The following STK32A variants were observed in gnomAD, a reference collection of about 807,000 sequenced individuals.
STK32A encodes the protein serine/threonine-protein kinase 32A.
A neutral mutation model predicts 53.2 loss-of-function variants in STK32A; 41 were observed. The ratio of observed to expected loss-of-function variants is 0.77; its 90% CI spans 0.60 to 1.00. The LOEUF (loss-of-function observed/expected upper bound fraction) is 1.00, where lower values mean the gene tolerates loss of function less well. Ranked by LOEUF, STK32A falls within the 50% of genes least tolerant of loss-of-function variation. The probability of loss-of-function intolerance (pLI) is 0.00; values close to 1 mark genes in which losing one functional copy is unlikely to be tolerated. For missense variants in STK32A, 458 were observed against 485.8 expected, an observed-to-expected ratio of 0.94 and a Z score of 0.54; for synonymous variants, 166 against 162.8, an observed-to-expected ratio of 1.02 and a Z score of -0.15.
At chr5:147,244,312 A>T (rs1295625894) in intron 2 of STK32A, among the ~76,000 whole-genome samples, 1 of 152,154 alleles carries the variant, frequency 6.6e-6, no homozygotes, top group African/African-American at 2.4e-5. Context: ...TCACCTTTTG[A>T]TTTTTGTGAA....
In STK32A at chr5:147,317,517, G is replaced by A. The variant is rs184857697; in HGVS notation, c.261-6381G>A. Among the ~76,000 whole-genome samples, 9 of 151,524 alleles carry A rather than the reference G, an allele frequency of 5.9e-5. No individual in the cohort carries two copies. The East Asian group carries it at 1.6e-3, about 26-fold the overall frequency. ...TAATTTTTGTATTTTTAGTAGAGACGGGTTTCACCATGTTGGTAAGCCTGG... is the reference window on the plus strand; with the variant it reads ...TAATTTTTGTATTTTTAGTAGAGACAGGTTTCACCATGTTGGTAAGCCTGG... On this transcript the variant is annotated intron_variant, in intron 4 of 12. Coordinates refer to ENST00000397936, the MANE Select transcript of STK32A (RefSeq NM_001112724.2).
chr5:147,315,103 G>C (rs527605681), intron 4 of STK32A, among the ~76,000 whole-genome samples: 3 of 152,228 alleles, frequency 2.0e-5, no homozygotes, highest in African/African-American at 7.2e-5. Flanking sequence ...AGAGAAACTG[G>C]AGCCTTTGTA....
At chr5:147,266,115 A>T (rs1018992330) in intron 2 of STK32A, among the ~76,000 whole-genome samples, 2 of 152,192 alleles carry the variant, frequency 1.3e-5, no homozygotes, top group African/African-American at 4.8e-5. Flanking sequence ...CTGTTCAAAG[A>T]TCATGCAGCC....
At chr5:147,303,992 G>T (rs975173552) in intron 4 of STK32A, among the ~76,000 whole-genome samples, 3 of 152,186 alleles carry the variant, frequency 2.0e-5, no homozygotes, top group African/African-American at 7.2e-5. Context: ...AACGCAAGGA[G>T]CCACTAGAAA....
intron 4 of STK32A, among the ~76,000 whole-genome samples, chr5:147,323,490 G>A (rs1554104990): frequency 2.0e-5 from 3 of 152,154 alleles, no homozygotes; most frequent in Admixed American, 1.3e-4. Flanking sequence ...TGGGCATGAG[G>A]ATAGTTCAAG....
intron 2 of STK32A, among the ~76,000 whole-genome samples, chr5:147,253,368 A>G (rs1472541284): frequency 6.6e-6 from 1 of 152,224 alleles, no homozygotes; most frequent in African/African-American, 2.4e-5. Flanking sequence ...AATAATATCT[A>G]AAGCAGTTTG....
At chr5:147,265,963 G>C (rs1378963835) in intron 2 of STK32A, among the ~76,000 whole-genome samples, 2 of 152,050 alleles carry the variant, frequency 1.3e-5, no homozygotes, top group Non-Finnish European at 2.9e-5. Flanking sequence ...GGCAAATCAC[G>C]CAATATTCCT....
chr5:147,254,618 G>A (rs1008818595), intron 2 of STK32A, among the ~76,000 whole-genome samples: 4 of 152,144 alleles, frequency 2.6e-5, no homozygotes, highest in African/African-American at 4.8e-5. Context: ...TATCCCCCAC[G>A]CACGTGGCCC....
At position 147,265,742 on chromosome 5, in the gene STK32A, G is replaced by A. The variant is rs565721033; in HGVS notation, c.53-12382G>A. Among the ~76,000 whole-genome samples, 10 of 152,164 alleles carry A rather than the reference G, an allele frequency of 6.6e-5. No homozygotes were observed. In the East Asian group the frequency reaches 1.4e-3, roughly 21 times the overall value. On this transcript the variant is annotated intron_variant, in intron 2 of 12. Transcript: ENST00000397936. ...GTTGGTTTGACTTGCCAGCAAAGCC[G>A]TGGCTCCTAGGGAAGTGACTTCAGC...
intron 4 of STK32A, among the ~76,000 whole-genome samples, chr5:147,286,332 C>T (rs1752337106): frequency 6.6e-6 from 1 of 152,050 alleles, no homozygotes; most frequent in Non-Finnish European, 1.5e-5. Flanking sequence ...GTGTATACTG[C>T]TCAGGTGATG....
intron 4 of STK32A, among the ~76,000 whole-genome samples, chr5:147,286,486 T>C (rs1447374983): frequency 6.6e-6 from 1 of 152,158 alleles, no homozygotes; most frequent in African/African-American, 2.4e-5. Context: ...CCCTGGTTTT[T>C]CAGGTTCTTA....
intron 1 of STK32A, among the ~76,000 whole-genome samples, chr5:147,237,827 G>A (rs765614622): frequency 2.0e-5 from 3 of 152,134 alleles, no homozygotes; most frequent in Admixed American, 6.5e-5. Flanking sequence ...ATGGGAAAAC[G>A]AGCTTTTCTT....
At chr5:147,376,251 C>T (rs941573324) in intron 11 of STK32A, among the ~76,000 whole-genome samples, 19 of 152,268 alleles carry the variant, frequency 1.2e-4, no homozygotes, top group African/African-American at 4.3e-4. Context: ...ACTGGCTTCT[C>T]GTCAGATTCC....
At chr5:147,275,074 G>A (rs1056557533) in intron 2 of STK32A, among the ~76,000 whole-genome samples, 1 of 152,136 alleles carries the variant, frequency 6.6e-6, no homozygotes, top group Non-Finnish European at 1.5e-5. Flanking sequence ...TATTGATCAA[G>A]GGTTTAAGAA....
chr5:147,363,410 A>G (rs1033589154), intron 8 of STK32A, among the ~76,000 whole-genome samples: 22 of 152,276 alleles, frequency 1.4e-4, no homozygotes, highest in African/African-American at 4.8e-4. Flanking sequence ...CACTACCCAC[A>G]TGGCTCTCTG....
At chr5:147,305,121 T>C (rs1753339929) in intron 4 of STK32A, among the ~76,000 whole-genome samples, 2 of 151,860 alleles carry the variant, frequency 1.3e-5, no homozygotes, top group African/African-American at 4.8e-5. Flanking sequence ...TATATTGAGA[T>C]TGTTGCAGAA....
At chr5:147,370,516 ACG>A in intron 8 of STK32A, 136 bp from the exon 9 acceptor site, 1 of 494,120 alleles carries the variant, frequency 2.0e-6, no homozygotes, top group Non-Finnish European at 3.7e-6. Flanking sequence ...ACATATGGCA[ACG>A]CAAGAGTCAG....
At chr5:147,240,780 G>A (rs1443953452) in intron 2 of STK32A, among the ~76,000 whole-genome samples, 1 of 152,208 alleles carries the variant, frequency 6.6e-6, no homozygotes, top group African/African-American at 2.4e-5. Context: ...CTAGGCATAA[G>A]TAATCCAGGT....
chr5:147,335,983 A>G (rs999350377), intron 5 of STK32A, among the ~76,000 whole-genome samples: 3 of 152,218 alleles, frequency 2.0e-5, no homozygotes, highest in Non-Finnish European at 2.9e-5. Flanking sequence ...AGCCTTGGTC[A>G]TTTGACTACA....
Sources: allele counts gnomAD v4.1 joint callset (sites outside exome capture counted in the v4.1 genomes callset), GRCh38; gene constraint gnomAD v4.1.1; transcripts MANE v1.5; gene names NCBI Gene and HGNC (gene_info 2026-07-23, HGNC 2026-07-21).